Variants in CLSTN2 observed in about 807,000 individuals in gnomAD.
CLSTN2 encodes the protein calsyntenin-2.
Under a neutral mutation model 101.2 loss-of-function variants are expected in CLSTN2, and 48 were observed. That is an observed-to-expected ratio of 0.47 (90% CI 0.38 to 0.60). The LOEUF is 0.60. CLSTN2 is among the 20% of genes least tolerant of loss of function. The pLI, the probability that CLSTN2 is intolerant of heterozygous loss-of-function variation, is 0.00. For synonymous variants in CLSTN2, 481 were observed against 463.6 expected (o/e 1.04, Z -0.48); for missense variants, 1,160 against 1,238.2 (o/e 0.94, Z 0.95).
chr3:139,951,536 C>T (rs549263953), intron 1 of CLSTN2, among the ~76,000 whole-genome samples: 1 of 152,316 alleles, frequency 6.6e-6, no homozygotes, highest in South Asian at 2.1e-4. Flanking sequence ...TGTGGTCTTT[C>T]CCATTGCCTG....
chr3:140,435,734 G>T (rs530690817), intron 5 of CLSTN2, among the ~76,000 whole-genome samples: 1 of 152,224 alleles, frequency 6.6e-6, no homozygotes, highest in Admixed American at 6.5e-5. Context: ...AGCATTTGTT[G>T]TTGCCTGTCT....
At chr3:140,528,720 A>C (rs747915535) in intron 8 of CLSTN2, among the ~76,000 whole-genome samples, 6 of 152,140 alleles carry the variant, frequency 3.9e-5, no homozygotes, top group Non-Finnish European at 8.8e-5. Flanking sequence ...TTCCTAATGA[A>C]ATATTAACAG....
intron 1 of CLSTN2, among the ~76,000 whole-genome samples, chr3:140,113,858 A>G (rs1000738726): frequency 2.0e-5 from 3 of 152,180 alleles, no homozygotes; most frequent in East Asian, 1.9e-4. Flanking sequence ...GTGTGTGTGT[A>G]TATATGTGTA....
At chr3:140,243,362 A>G (rs1460374809) in intron 2 of CLSTN2, among the ~76,000 whole-genome samples, 1 of 152,240 alleles carries the variant, frequency 6.6e-6, no homozygotes, top group South Asian at 2.1e-4. Context: ...ATGATAAGTC[A>G]GTAATGGGCC....
chr3:140,305,550 A>G (rs112067700), intron 2 of CLSTN2, among the ~76,000 whole-genome samples: 4 of 151,946 alleles, frequency 2.6e-5, no homozygotes, highest in Admixed American at 6.6e-5. Flanking sequence ...TGAGAAGCTC[A>G]CCAGGGACTT....
intron 1 of CLSTN2, among the ~76,000 whole-genome samples, chr3:139,974,905 G>A (rs1476175967): frequency 1.3e-5 from 2 of 152,172 alleles, no homozygotes; most frequent in African/African-American, 2.4e-5. Flanking sequence ...GGAGAGCGGA[G>A]GAGGAGAGTC....
chr3:140,240,200 A>ATG (rs2086451778), intron 2 of CLSTN2, among the ~76,000 whole-genome samples: 1 of 14,368 alleles, frequency 7.0e-5, no homozygotes, highest in Non-Finnish European at 2.1e-4. Flanking sequence ...ATATATATAT[A>ATG]CACACACACA....
chr3:140,497,412 G>A (rs1202030787), intron 8 of CLSTN2, among the ~76,000 whole-genome samples: 1 of 152,206 alleles, frequency 6.6e-6, no homozygotes, highest in Non-Finnish European at 1.5e-5. Context: ...ATCTGGCACA[G>A]CCTCTGTGCT....
chr3:140,122,637 C>G (rs1055026938), intron 1 of CLSTN2, among the ~76,000 whole-genome samples: 1 of 152,102 alleles, frequency 6.6e-6, no homozygotes, highest in African/African-American at 2.4e-5. Flanking sequence ...ACAAATCAGA[C>G]ACGTGCAGAG....
At chr3:140,298,138 A>G (rs1435666799) in intron 2 of CLSTN2, among the ~76,000 whole-genome samples, 1 of 152,236 alleles carries the variant, frequency 6.6e-6, no homozygotes, top group Non-Finnish European at 1.5e-5. Context: ...AACTAAATAC[A>G]TAGTGATTTT....
chr3:140,308,371 A>G (rs996052441), intron 2 of CLSTN2, among the ~76,000 whole-genome samples: 4 of 152,344 alleles, frequency 2.6e-5, no homozygotes, highest in Admixed American at 1.3e-4. Context: ...TTCAATATCA[A>G]GGAAGGTAGC....
chr3:140,450,408 T>G (rs1933216830), intron 6 of CLSTN2, among the ~76,000 whole-genome samples: 2 of 152,214 alleles, frequency 1.3e-5, no homozygotes, highest in African/African-American at 4.8e-5. Flanking sequence ...GAGAAGTGCC[T>G]CATGTGCTTA....
chr3:140,236,094 G>A (rs1318395909), intron 2 of CLSTN2, among the ~76,000 whole-genome samples: 1 of 152,082 alleles, frequency 6.6e-6, no homozygotes, highest in African/African-American at 2.4e-5. Context: ...TGGAATTGGT[G>A]ATTTCTGTGG....
chr3:140,200,721 A>T (rs1299638749), intron 2 of CLSTN2, among the ~76,000 whole-genome samples: 2 of 152,198 alleles, frequency 1.3e-5, no homozygotes, highest in African/African-American at 2.4e-5. Flanking sequence ...AGCATGAAAG[A>T]CAGAACATTT....
At chr3:140,246,487 G>A (rs538453591) in intron 2 of CLSTN2, among the ~76,000 whole-genome samples, 1 of 152,264 alleles carries the variant, frequency 6.6e-6, no homozygotes, top group Admixed American at 6.5e-5. Flanking sequence ...CCACTTAGAA[G>A]CTGTACACAC....
At chr3:140,018,394 G>T (rs1361210104) in intron 1 of CLSTN2, among the ~76,000 whole-genome samples, 2 of 152,152 alleles carry the variant, frequency 1.3e-5, no homozygotes, top group Non-Finnish European at 2.9e-5. Flanking sequence ...TTGAGCACGG[G>T]GGTTGGCTGT....
chr3:140,299,439 A>T lies in CLSTN2; in HGVS notation c.233-104190A>T, dbSNP rs138415570. On this transcript the variant is annotated intron_variant, in intron 2 of 16. Transcript: ENST00000458420. ...CTTAATCATAACATGCATATACTGTATGTATCTACATGCATATTCATAGAG... is the reference window on the plus strand; with the variant it reads ...CTTAATCATAACATGCATATACTGTTTGTATCTACATGCATATTCATAGAG... Among the ~76,000 whole-genome samples the T allele has an allele frequency of 1.0e-3, 152 of 152,350 alleles. 1 individual carries two copies. The highest frequency in any genetic ancestry group is 3.5e-3 in the African/African-American group (146 of 41,580).
At chr3:140,077,036 A>C (rs995189853) in intron 1 of CLSTN2, among the ~76,000 whole-genome samples, 1 of 152,096 alleles carries the variant, frequency 6.6e-6, no homozygotes, top group African/African-American at 2.4e-5. Context: ...ACATTTTTCA[A>C]CTCTGAATTT....
chr3:140,186,750 G>T (rs1270526179), intron 2 of CLSTN2, among the ~76,000 whole-genome samples: 2 of 152,082 alleles, frequency 1.3e-5, no homozygotes, highest in African/African-American at 4.8e-5. Flanking sequence ...AAGTTATAGT[G>T]CTGGGCCACA....
Sources: allele counts gnomAD v4.1 joint callset (sites outside exome capture counted in the v4.1 genomes callset), GRCh38; gene constraint gnomAD v4.1.1; transcripts MANE v1.5; gene names NCBI Gene and HGNC (gene_info 2026-07-23, HGNC 2026-07-21).